Variants in VTI1A observed in about 807,000 individuals in gnomAD.
The protein encoded by VTI1A is vesicle transport through interaction with t-SNAREs homolog 1A.
In VTI1A, 22 loss-of-function variants were observed where a neutral mutation model predicts 34.9. The ratio of observed to expected loss-of-function variants is 0.63; its 90% CI spans 0.45 to 0.90. The LOEUF is 0.90. Among genes scored for constraint, VTI1A ranks in the 40% least tolerant of loss-of-function variants. The probability of loss-of-function intolerance (pLI) is 0.00; values close to 1 mark genes in which losing one functional copy is unlikely to be tolerated. For synonymous variants in VTI1A, 87 were observed against 97.3 expected, an observed-to-expected ratio of 0.89 and a Z score of 0.62; for missense variants, 268 against 275.6, an observed-to-expected ratio of 0.97 and a Z score of 0.20.
chr10:112,830,358 C>T, the VTI1A span, among the ~76,000 whole-genome samples: 235 of 151,438 alleles, frequency 1.6e-3, no homozygotes, highest in African/African-American at 5.3e-3. Flanking sequence ...CTCCCTCCAA[C>T]ACTCCAAGCT....
At chr10:112,620,421 G>C (rs1845687356) in intron 5 of VTI1A, among the ~76,000 whole-genome samples, 1 of 152,188 alleles carries the variant, frequency 6.6e-6, no homozygotes, top group Admixed American at 6.5e-5. Flanking sequence ...CTACTTATAG[G>C]CCTATAAGAG....
chr10:112,826,772 T>C, the VTI1A span: 1 of 152,194 alleles, frequency 6.6e-6, no homozygotes, highest in African/African-American at 2.4e-5. Context: ...GCCACCCTCA[T>C]GGAGGTTTCA....
intron 5 of VTI1A, among the ~76,000 whole-genome samples, chr10:112,654,077 G>A (rs1847136925): frequency 6.6e-6 from 1 of 152,194 alleles, no homozygotes; most frequent in South Asian, 2.1e-4. Context: ...CGATGTCATA[G>A]TGCTTGCTAA....
At chr10:112,472,246 C>T (rs914565855) in intron 3 of VTI1A, among the ~76,000 whole-genome samples, 1 of 152,176 alleles carries the variant, frequency 6.6e-6, no homozygotes, top group Non-Finnish European at 1.5e-5. Flanking sequence ...CCGAATGCTG[C>T]CTTTTCCTGT....
At chr10:112,638,976 T>C (rs986891212) in intron 5 of VTI1A, among the ~76,000 whole-genome samples, 16 of 152,108 alleles carry the variant, frequency 1.1e-4, no homozygotes, top group African/African-American at 3.9e-4. Context: ...TTCTACAAAA[T>C]GGGAGAACAG....
At chr10:112,641,212 CTGA>C (rs1318946670) in intron 5 of VTI1A, among the ~76,000 whole-genome samples, 1 of 152,096 alleles carries the variant, frequency 6.6e-6, no homozygotes, top group Non-Finnish European at 1.5e-5. Context: ...GGCTTTCTCT[CTGA>C]TCATGCAGTT....
chr10:112,557,904 C>G (rs1203597128), intron 5 of VTI1A, among the ~76,000 whole-genome samples: 4 of 152,064 alleles, frequency 2.6e-5, no homozygotes, highest in Non-Finnish European at 4.4e-5. Flanking sequence ...ATTTACACCT[C>G]AACTCTTGAA....
intron 7 of VTI1A, among the ~76,000 whole-genome samples, chr10:112,748,170 C>T (rs1850970686): frequency 2.0e-5 from 3 of 152,062 alleles, no homozygotes; most frequent in Admixed American, 1.3e-4. Context: ...CTGACATGCC[C>T]GGCTCAGGGC....
intron 3 of VTI1A, among the ~76,000 whole-genome samples, chr10:112,476,736 C>G (rs1234732369): frequency 6.6e-6 from 1 of 152,214 alleles, no homozygotes; most frequent in African/African-American, 2.4e-5. Context: ...CAATTTTGTG[C>G]TTTGCCAAAC....
At position 112,688,269 on chromosome 10, in the gene VTI1A, C is replaced by G. The variant is rs1245806459; in HGVS notation, c.560+19271C>G. ...ATGCCTGGCCAAGTCTTTTTCTTCT[C>G]ATTTTTATTACACAAATAGTAACGT... is the stretch of plus-strand genomic sequence containing the variant. On this transcript the variant is annotated intron_variant, in intron 7 of 7. Coordinates refer to ENST00000393077, the MANE Select transcript of VTI1A (RefSeq NM_145206.4). 3.3e-5 allele frequency among the ~76,000 whole-genome samples: 5 copies of G among 151,784 alleles called. No homozygotes were observed. The South Asian group carries it at 1.0e-3, about 32-fold the overall frequency.
chr10:112,791,059 G>T (rs1157906173), intron 7 of VTI1A, among the ~76,000 whole-genome samples: 1 of 152,154 alleles, frequency 6.6e-6, no homozygotes, highest in African/African-American at 2.4e-5. Context: ...CCATCAGGGT[G>T]TAACTGCCAG....
chr10:112,540,527 C>T lies in VTI1A; in HGVS notation c.427+2197C>T, dbSNP rs117006746. Among the ~76,000 whole-genome samples, 588 of 152,234 alleles carry T rather than the reference C, an allele frequency of 3.9e-3. 4 individuals carry two copies. Among genetic ancestry groups the T allele is most frequent in the Non-Finnish European group, 6.9e-3 (470 of 68,008 alleles). On this transcript the variant is annotated intron_variant, in intron 5 of 7. Transcript: ENST00000393077. Reference sequence around the variant, plus strand: ...AGATGTGGCTCAGCCTGTACATGGACGGGAGTCATCATTGCTAATTTACTT... The same window carrying T: ...AGATGTGGCTCAGCCTGTACATGGATGGGAGTCATCATTGCTAATTTACTT...
At chr10:112,486,681 C>T (rs116114863) in intron 3 of VTI1A, among the ~76,000 whole-genome samples, 55 of 43,808 alleles carry the variant, frequency 1.3e-3, no homozygotes, top group African/African-American at 2.3e-3. Flanking sequence ...GAATATACAA[C>T]TTATATTTAG....
intron 4 of VTI1A, among the ~76,000 whole-genome samples, chr10:112,536,752 A>G (rs1294365191): frequency 1.2e-5 from 1 of 83,010 alleles, no homozygotes; most frequent in Admixed American, 1.4e-4. Context: ...TCACCCCCCC[A>G]CCCTTCCCCC....
chr10:112,550,732 C>T (rs1435356455), intron 5 of VTI1A, among the ~76,000 whole-genome samples: 2 of 151,850 alleles, frequency 1.3e-5, no homozygotes, highest in South Asian at 2.1e-4. Flanking sequence ...AGCGTGAAGT[C>T]GTAGTTAAAT....
rs1307633044 is a variant in VTI1A at position 112,668,999 on chromosome 10, G to A, written c.560+1G>A. 1.2e-6 allele frequency: 2 copies of A among 1,612,118 alleles called. No individual in the cohort carries two copies. Among genetic ancestry groups the A allele is most frequent in the Non-Finnish European group, 1.7e-6 (2 of 1,178,544 alleles). ...GGATTCTGACAGGGATGTTGCGAAG[G>A]TAAGAGCAAGGTAGGGACATATCTT... On this transcript the variant is annotated splice_donor_variant, in intron 7 of 7. Coordinates refer to ENST00000393077, the MANE Select transcript of VTI1A (RefSeq NM_145206.4). LOFTEE classifies it high-confidence loss of function.
Position 112,602,819 on chromosome 10 carries a change from G to A in VTI1A, c.427+64489G>A, listed in dbSNP as rs139855347. On this transcript the variant is annotated intron_variant, in intron 5 of 7. Coordinates refer to ENST00000393077, the MANE Select transcript of VTI1A (RefSeq NM_145206.4). ...TTTAATTTTGTAAACACTTATTTGG[G>A]TGATTTTTTTTATGAAAGCCTAAGC... 2.5e-3 allele frequency among the ~76,000 whole-genome samples: 379 copies of A among 152,264 alleles called. 2 individuals carry two copies. The highest frequency in any genetic ancestry group is 8.6e-3 in the African/African-American group (358 of 41,546).
chr10:112,597,587 G>A (rs1844705822), intron 5 of VTI1A, among the ~76,000 whole-genome samples: 1 of 141,020 alleles, frequency 7.1e-6, no homozygotes, highest in Admixed American at 7.4e-5. Context: ...CATGCCTATA[G>A]TCCTAGCTAT....
chr10:112,654,915 A>G (rs567981315), intron 5 of VTI1A, among the ~76,000 whole-genome samples: 11 of 152,360 alleles, frequency 7.2e-5, no homozygotes, highest in South Asian at 6.2e-4. Flanking sequence ...GCCTCATGAT[A>G]TAGCATAAAT....
Sources: allele counts gnomAD v4.1 joint callset (sites outside exome capture counted in the v4.1 genomes callset), GRCh38; gene constraint gnomAD v4.1.1; transcripts MANE v1.5; gene names NCBI Gene and HGNC (gene_info 2026-07-23, HGNC 2026-07-21).